PRPF6: variants seen among roughly 807,000 people sequenced by gnomAD.
PRPF6 encodes the protein pre-mRNA-processing factor 6.
In PRPF6, 42 loss-of-function variants were observed where a neutral mutation model predicts 118.3. The observed-to-expected ratio is 0.35, with a 90% confidence interval of 0.28 to 0.46. The LOEUF is 0.46. PRPF6 is among the 20% of genes least tolerant of loss of function. The probability of loss-of-function intolerance (pLI) is 1.00; values close to 1 mark genes in which losing one functional copy is unlikely to be tolerated. For missense variants in PRPF6, 662 were observed against 1,255.7 expected, an observed-to-expected ratio of 0.53 and a Z score of 7.15; for synonymous variants, 481 against 485.1, an observed-to-expected ratio of 0.99 and a Z score of 0.11.
intron 3 of PRPF6, among the ~76,000 whole-genome samples, chr20:63,986,489 CTTT>C (rs759745026): frequency 2.9e-5 from 4 of 138,636 alleles, no homozygotes; most frequent in Admixed American, 1.5e-4. Context: ...ACCATATGAT[CTTT>C]TTTTTTTTTT....
chr20:64,012,964 T>G (rs1231996114), intron 11 of PRPF6, among the ~76,000 whole-genome samples: 1 of 150,930 alleles, frequency 6.6e-6, no homozygotes, highest in Non-Finnish European at 1.5e-5. Context: ...ACCCTTTTTT[T>G]TTTTTTTTTT....
intron 6 of PRPF6, among the ~76,000 whole-genome samples, chr20:63,998,272 T>G (rs1302152545): frequency 6.6e-6 from 1 of 151,528 alleles, no homozygotes; most frequent in Non-Finnish European, 1.5e-5. Context: ...TTTTTGTATT[T>G]TTAGTAGACA....
chr20:64,000,986 C>A, intron 8 of PRPF6, 91 bp from the exon 9 acceptor site: 2 of 1,442,008 alleles, frequency 1.4e-6, no homozygotes, highest in Non-Finnish European at 9.7e-7. Flanking sequence ...ATTCTGGGGC[C>A]CGAGGATCTG....
chr20:63,982,982 A>G, intron 1 of PRPF6, 65 bp from the exon 2 acceptor site: 2 of 1,575,506 alleles, frequency 1.3e-6, no homozygotes, highest in African/African-American at 1.3e-5. Flanking sequence ...AGTGATAACC[A>G]GGAGTGGAGA....
At chr20:64,009,149 G>A (rs2059203151) in intron 9 of PRPF6, among the ~76,000 whole-genome samples, 1 of 151,938 alleles carries the variant, frequency 6.6e-6, no homozygotes, top group South Asian at 2.1e-4. Context: ...GGGTATGGTG[G>A]CTGCACGCCT....
chr20:64,011,187 A>C lies in PRPF6; in HGVS notation c.1306-98A>C, dbSNP rs957002871. 4.7e-6 allele frequency: 5 copies of C among 1,070,636 alleles called. No individual in the cohort carries two copies. Among genetic ancestry groups the C allele is most frequent in the Non-Finnish European group, 7.0e-6 (5 of 709,466 alleles). 66.3% of individuals were successfully genotyped at this position (1,070,636 alleles called of 1,614,324 possible). A position where few individuals can be genotyped will look rare whatever the true frequency, so the allele number is the denominator to read the frequency against. ...AGATGGTTCTCGAGAGCTAAGAAAG[A>C]ACGTGGTGGCCAACGCTGGAGGGTG... is the stretch of plus-strand genomic sequence containing the variant. On this transcript the variant is annotated intron_variant, in intron 10 of 20. Transcript: ENST00000266079. This position sits in a 1 kb window ranked among gnomAD's most constrained non-coding sequence, Gnocchi z 6.7.
intron 3 of PRPF6, among the ~76,000 whole-genome samples, chr20:63,985,859 C>T (rs991807333): frequency 6.6e-6 from 1 of 152,288 alleles, no homozygotes; most frequent in Admixed American, 6.5e-5. Context: ...TCTACTCAGA[C>T]TATTCTGAAA....
Position 63,984,277 on chromosome 20 carries a change from C to T in PRPF6, c.241-630C>T, listed in dbSNP as rs867614189. Reference sequence around the variant, plus strand: ...CTACTAAAACTACACAAAAATTAGCCGGGCATGGTGGCATGTGCCTGTAGT... The same window carrying T: ...CTACTAAAACTACACAAAAATTAGCTGGGCATGGTGGCATGTGCCTGTAGT... On this transcript the variant is annotated intron_variant, in intron 2 of 20. Coordinates refer to ENST00000266079, the MANE Select transcript of PRPF6 (RefSeq NM_012469.4). Among the ~76,000 whole-genome samples the T allele has an allele frequency of 4.6e-5, 7 of 152,098 alleles. No homozygotes were observed. In the South Asian group the frequency reaches 6.2e-4, roughly 14 times the overall value.
chr20:63,997,955 C>CATTCGCTGACCTGTTT (rs2059148574), intron 6 of PRPF6, among the ~76,000 whole-genome samples: 1 of 152,172 alleles, frequency 6.6e-6, no homozygotes, highest in African/African-American at 2.4e-5. Context: ...ATGTAGACCG[C>CATTCGCTGACCTGTTT]ATTCGCTGAC....
In PRPF6 at chr20:64,028,459, C is replaced by T. The variant is rs764928842; in HGVS notation, c.2340-19C>T. The T allele has an allele frequency of 6.2e-6, 10 of 1,613,586 alleles. No homozygotes were observed. The East Asian group carries it at 6.7e-5, about 11-fold the overall frequency. On this transcript the variant is annotated intron_variant, in intron 17 of 20. Coordinates refer to ENST00000266079, the MANE Select transcript of PRPF6 (RefSeq NM_012469.4). The surrounding 1 kb of genome is among the most constrained non-coding windows in gnomAD (Gnocchi z 6.5). The stretch of plus-strand genomic sequence containing the variant: ...TGTTGGTAGACGGCTGTGGGACCTC[C>T]GGGGGCCTGTCTCCTCAGGTTGGAG...
chr20:64,010,337 G>A lies in PRPF6; in HGVS notation c.1305+19G>A. The A allele has an allele frequency of 6.2e-7, 1 of 1,600,608 alleles. No individual in the cohort carries two copies. The highest frequency in any genetic ancestry group is 8.5e-7 in the Non-Finnish European group (1 of 1,170,652). ...CGTGGAGGTGAGTCTGGCGGGCTCA[G>A]GGCCACCAGAGCCCAAAGTGGCCAA... On this transcript the variant is annotated intron_variant, in intron 10 of 20. Coordinates refer to ENST00000266079, the MANE Select transcript of PRPF6 (RefSeq NM_012469.4).
intron 6 of PRPF6, among the ~76,000 whole-genome samples, chr20:63,996,377 A>G (rs967192496): frequency 1.8e-4 from 27 of 152,212 alleles, no homozygotes; most frequent in African/African-American, 6.0e-4. Flanking sequence ...TGGCACAATC[A>G]TGGCTGGCTA....
chr20:64,029,422 G>T lies in PRPF6; in HGVS notation c.2477G>T (p.Arg826Met). The T allele has an allele frequency of 6.2e-7, 1 of 1,614,224 alleles. No individual in the cohort carries two copies. The highest frequency in any genetic ancestry group is 8.5e-7 in the Non-Finnish European group (1 of 1,180,048). The change falls in exon 19 of 21, where the codon AGG (arginine) becomes ATG (methionine). Residue 826 changes from arginine (R) to methionine (M), a missense_variant. Arg to Met is a moderately conservative substitution (Grantham distance 91). This residue lies in a region of PRPF6 where 244 missense variants were observed against 383.7 expected (regional missense o/e 0.64). Coordinates refer to ENST00000266079, the MANE Select transcript of PRPF6 (RefSeq NM_012469.4). This position sits in a 1 kb window ranked among gnomAD's most constrained non-coding sequence, Gnocchi z 4.8. ...ATCTTCCTCGAGGCAAGGCCCCAGAGGAGGACCAAGAGCGTGGATGCCCTG... is the reference window on the plus strand; with the variant it reads ...ATCTTCCTCGAGGCAAGGCCCCAGATGAGGACCAAGAGCGTGGATGCCCTG... ...EAIFLEARPQRRTKSVDALKK... is the reference protein window; with the variant it reads ...EAIFLEARPQMRTKSVDALKK...
intron 1 of PRPF6, 53 bp downstream of exon 1, chr20:63,981,369 T>G: frequency 1.3e-6 from 2 of 1,507,960 alleles, no homozygotes; most frequent in Non-Finnish European, 9.0e-7. Context: ...AGGAGCGCAG[T>G]GCTTTGGGGC....
intron 7 of PRPF6, among the ~76,000 whole-genome samples, 167 bp downstream of exon 7, chr20:63,999,306 T>C (rs1279103323): frequency 6.6e-6 from 1 of 152,246 alleles, no homozygotes; most frequent in Non-Finnish European, 1.5e-5. Flanking sequence ...ATCCATTCAT[T>C]GCGTACACTC....
intron 9 of PRPF6, among the ~76,000 whole-genome samples, chr20:64,008,429 T>C (rs1194492861): frequency 6.6e-6 from 1 of 152,114 alleles, no homozygotes; most frequent in Non-Finnish European, 1.5e-5. Context: ...GTTTTTTTTT[T>C]CTTTTTTTAT....
chr20:63,989,703 C>T (rs764833455), intron 3 of PRPF6, among the ~76,000 whole-genome samples: 20 of 151,476 alleles, frequency 1.3e-4, no homozygotes, highest in East Asian at 2.0e-4. Flanking sequence ...TTAGTAGAGA[C>T]GGGGTTTCAC....
intron 20 of PRPF6, 41 bp from the exon 21 acceptor site, chr20:64,032,800 G>T (rs562703575): frequency 6.3e-7 from 1 of 1,576,096 alleles, no homozygotes; most frequent in Non-Finnish European, 8.6e-7. Flanking sequence ...GGGGAGTAGC[G>T]TGGGAGGACC....
At position 64,027,011 on chromosome 20, in the gene PRPF6, G is replaced by C; in HGVS notation, c.2058G>C (p.Trp686Cys). The stretch of plus-strand genomic sequence containing the variant: ...TCATGAAGTCTGTGAAGCTGGAGTG[G>C]GTGCAAGACAACATCAGGGCAGCCC... The part of the protein sequence containing the change: ...RVFMKSVKLE[W>C]VQDNIRAAQD... Residue 686 changes from tryptophan to cysteine, a missense_variant, in exon 16 of 21, where the codon TGG becomes TGC. Physicochemically the swap from Trp to Cys is radical, Grantham distance 215. Coordinates refer to ENST00000266079, the MANE Select transcript of PRPF6 (RefSeq NM_012469.4). This position sits in a 1 kb window ranked among gnomAD's most constrained non-coding sequence, Gnocchi z 6.5. 6.2e-7 allele frequency: 1 copy of C among 1,613,976 alleles called. No individual in the cohort carries two copies. Among genetic ancestry groups the C allele is most frequent in the African/African-American group, 1.3e-5 (1 of 75,038 alleles).
Sources: allele counts gnomAD v4.1 joint callset (sites outside exome capture counted in the v4.1 genomes callset), GRCh38; gene constraint gnomAD v4.1.1; regional missense constraint gnomAD v4.1.1; non-coding constraint Gnocchi (gnomAD v3.1); transcripts MANE v1.5; gene names NCBI Gene and HGNC (gene_info 2026-07-23, HGNC 2026-07-21).